The following SPATA1 variants were observed in gnomAD, a reference collection of about 807,000 sequenced individuals.
The protein encoded by SPATA1 is spermatogenesis-associated protein 1.
A neutral mutation model predicts 59.6 loss-of-function variants in SPATA1; 57 were observed. That is an observed-to-expected ratio of 0.96 (90% CI 0.77 to 1.19). SPATA1 has a LOEUF of 1.19. SPATA1 is among the 50% of genes most tolerant of loss of function. The pLI is 0.00. For missense variants in SPATA1, 448 were observed against 480.7 expected, an observed-to-expected ratio of 0.93 and a Z score of 0.64; for synonymous variants, 147 against 163.9, an observed-to-expected ratio of 0.90 and a Z score of 0.79.
chr1:84,536,109 C>A (rs904113593), intron 8 of SPATA1, among the ~76,000 whole-genome samples: 1 of 152,122 alleles, frequency 6.6e-6, no homozygotes, highest in Non-Finnish European at 1.5e-5. Context: ...CTGGTTATTG[C>A]AAAAGAACTG....
chr1:84,525,358 T>C (rs1300000964), intron 4 of SPATA1, among the ~76,000 whole-genome samples: 1 of 152,216 alleles, frequency 6.6e-6, no homozygotes, highest in Non-Finnish European at 1.5e-5. Context: ...AAGTTGGACT[T>C]TGGGGTCAGA....
downstream of SPATA1, among the ~76,000 whole-genome samples, chr1:84,556,635 C>A (rs1453952665): frequency 2.0e-5 from 3 of 150,100 alleles, no homozygotes; most frequent in Admixed American, 6.7e-5. Context: ...TTGCTTGAAC[C>A]CAGGAGACGG....
At chr1:84,532,929 G>T (rs1399500858) in exon 7 of SPATA1, 1 of 1,551,956 alleles carries the variant, frequency 6.4e-7, no homozygotes, top group South Asian at 1.2e-5. Context: ...GAGTTGCCAG[G>T]ATCATTGGAA....
At chr1:84,553,991 C>T (rs563513365) in exon 13 of SPATA1, 1 of 152,104 alleles carries the variant, frequency 6.6e-6, no homozygotes, top group East Asian at 1.9e-4. Flanking sequence ...GTCTTTAGAT[C>T]ATTAAAAGCA....
intron 8 of SPATA1, among the ~76,000 whole-genome samples, chr1:84,538,038 T>A (rs7511674): frequency 0.018 from 2,743 of 152,280 alleles, 72 homozygotes; most frequent in African/African-American, 0.061. Flanking sequence ...ACCAAAGCAT[T>A]ACCAACCTCC....
chr1:84,510,990 A>G (rs755457588), intron 1 of SPATA1, among the ~76,000 whole-genome samples: 4 of 152,166 alleles, frequency 2.6e-5, no homozygotes, highest in Non-Finnish European at 5.9e-5. Flanking sequence ...TAGTAGAATG[A>G]TGGTTACCAG....
intron 1 of SPATA1, among the ~76,000 whole-genome samples, chr1:84,513,556 C>T (rs1359358857): frequency 1.3e-5 from 2 of 152,154 alleles, no homozygotes; most frequent in Non-Finnish European, 2.9e-5. Context: ...AGGCACATAT[C>T]CCTTGTAAAT....
At chr1:84,533,747 G>A (rs1483950168) in exon 8 of SPATA1, 42 of 1,564,888 alleles carry the variant, frequency 2.7e-5, no homozygotes, top group Non-Finnish European at 3.6e-5. Context: ...ACAGCTATCA[G>A]TAGAAGACAG....
At chr1:84,559,723 T>C (rs1463565638) in intron 4 of SPATA1, among the ~76,000 whole-genome samples, 5 of 152,164 alleles carry the variant, frequency 3.3e-5, no homozygotes, top group Admixed American at 2.6e-4. Context: ...TATAATTAGA[T>C]TGTTTTCTGA....
At chr1:84,533,248 C>T (rs1429611130) in intron 7 of SPATA1, among the ~76,000 whole-genome samples, 5 of 151,984 alleles carry the variant, frequency 3.3e-5, no homozygotes, top group Non-Finnish European at 4.4e-5. Context: ...GTCTTTGTTT[C>T]CCTTCATTAG....
At chr1:84,566,549 G>C (rs1411223278), downstream of SPATA1, among the ~76,000 whole-genome samples, 4 of 152,042 alleles carry the variant, frequency 2.6e-5, no homozygotes, top group Admixed American at 2.6e-4. Context: ...ACGGCCTACA[G>C]GTATAGATTA....
intron 2 of SPATA1, among the ~76,000 whole-genome samples, chr1:84,519,429 G>GA (rs953107342): frequency 1.3e-5 from 2 of 151,434 alleles, no homozygotes; most frequent in African/African-American, 4.8e-5. Context: ...TGTTGTTCTG[G>GA]AAAAAAGCCA....
chr1:84,531,608 C>G (rs1052404570), intron 6 of SPATA1, among the ~76,000 whole-genome samples: 2 of 133,302 alleles, frequency 1.5e-5, no homozygotes, highest in African/African-American at 5.8e-5. Flanking sequence ...GGGTCTTGCT[C>G]TGATGCCCAG....
intron 8 of SPATA1, among the ~76,000 whole-genome samples, chr1:84,538,881 C>G (rs1355880254): frequency 6.6e-6 from 1 of 152,074 alleles, no homozygotes; most frequent in African/African-American, 2.4e-5. Flanking sequence ...CTCACTGCAG[C>G]CTTGACCTCC....
chr1:84,548,946 A>G (rs373107054), exon 11 of SPATA1: 185 of 1,586,522 alleles, frequency 1.2e-4, no homozygotes, highest in Non-Finnish European at 1.5e-4. Context: ...AGAATCTGGC[A>G]AACATCACAG....
At position 84,552,957 on chromosome 1, in the gene SPATA1, C is replaced by G; in HGVS notation, c.1225-78C>G. ...AGACAGTTAAAGCGGTTACAAAAAC[C>G]CTGTTTACATGACAACTATGATGTA... On this transcript the variant is annotated intron_variant, in intron 12 of 12. Transcript: ENST00000490879. 3 of 952,650 alleles carry G rather than the reference C, an allele frequency of 3.1e-6. No homozygotes were observed. The East Asian group carries it at 8.6e-5, about 27-fold the overall frequency. The allele number at this position is 952,650 out of a possible 1,614,324, so 59.0% of individuals were successfully genotyped here.
chr1:84,565,885 T>C, exon 5 of SPATA1: 1 of 1,585,922 alleles, frequency 6.3e-7, no homozygotes, highest in East Asian at 2.3e-5. Flanking sequence ...TGCAATACAT[T>C]CTGACCAGAT....
intron 6 of SPATA1, among the ~76,000 whole-genome samples, chr1:84,529,658 T>G (rs1683381945): frequency 1.5e-5 from 2 of 134,502 alleles, no homozygotes; most frequent in South Asian, 5.2e-4. Context: ...CTCGGCTCAC[T>G]GCAACCTCCG....
At chr1:84,557,554 G>GA (rs1179521999), downstream of SPATA1, among the ~76,000 whole-genome samples, 698 of 70,122 alleles carry the variant, frequency 1.0e-2, 6 homozygotes, top group African/African-American at 0.033. Flanking sequence ...AAAAAAAAAA[G>GA]AAAAAAAAAA....
Sources: gnomAD v4.1 joint callset for allele counts (sites outside exome capture counted in the v4.1 genomes callset) on GRCh38, gnomAD v4.1.1 for gene constraint, MANE v1.5 for transcripts, NCBI Gene and HGNC (gene_info 2026-07-23, HGNC 2026-07-21) for gene names.